FGD6: variants seen among roughly 807,000 people sequenced by gnomAD.
FGD6 encodes FYVE, RhoGEF and PH domain-containing protein 6.
A neutral mutation model predicts 149.4 loss-of-function variants in FGD6; 90 were observed. The observed-to-expected ratio is 0.60, with a 90% CI of 0.51 to 0.72. The LOEUF is 0.72. FGD6 is among the 30% of genes least tolerant of loss of function. The pLI, the probability that FGD6 is intolerant of heterozygous loss-of-function variation, is 0.00. For missense variants in FGD6, 1,437 were observed against 1,684.8 expected, an observed-to-expected ratio of 0.85 and a Z score of 2.57; for synonymous variants, 527 against 584.0, an observed-to-expected ratio of 0.90 and a Z score of 1.41.
At chr12:95,136,395 A>C (rs1190667390) in intron 7 of FGD6, among the ~76,000 whole-genome samples, 1 of 152,132 alleles carries the variant, frequency 6.6e-6, no homozygotes, top group Non-Finnish European at 1.5e-5. Context: ...CAAACAAAAA[A>C]AACCCTTTTC....
chr12:95,086,980 T>C (rs1042766540), intron 18 of FGD6, among the ~76,000 whole-genome samples: 2 of 151,834 alleles, frequency 1.3e-5, no homozygotes, highest in Non-Finnish European at 2.9e-5. Context: ...CCCGAGTAGC[T>C]GGGATTACAG....
At chr12:95,211,474 T>C (rs1263861666) in intron 1 of FGD6, among the ~76,000 whole-genome samples, 2 of 152,178 alleles carry the variant, frequency 1.3e-5, no homozygotes. Context: ...TGTACATTTT[T>C]AAATAAATCC....
At chr12:95,123,393 G>C (rs537177241) in intron 8 of FGD6, among the ~76,000 whole-genome samples, 1 of 152,058 alleles carries the variant, frequency 6.6e-6, no homozygotes, top group Non-Finnish European at 1.5e-5. Context: ...TCCTGAGGCG[G>C]CATCCCCACA....
At chr12:95,115,062 G>A (rs144813365) in intron 8 of FGD6, among the ~76,000 whole-genome samples, 14 of 152,116 alleles carry the variant, frequency 9.2e-5, no homozygotes, top group African/African-American at 2.6e-4. Context: ...TGAAAGAAAC[G>A]TTTTCTGCCT....
chr12:95,101,657 T>C lies in FGD6; in HGVS notation c.3497+3350A>G, dbSNP rs148095349. The stretch of plus-strand genomic sequence containing the variant: ...GCACTCACTGGGAACATGATATACA[T>C]GGTCTTAATGTTCTTTGAACTTTCT... On this transcript the variant is annotated intron_variant, in intron 14 of 20. Transcript: ENST00000343958. Among the ~76,000 whole-genome samples, 51 of 150,368 alleles carry C rather than the reference T, an allele frequency of 3.4e-4. 1 individual carries two copies. Among genetic ancestry groups the C allele is most frequent in the Middle Eastern group, 3.4e-3 (1 of 290 alleles).
intron 6 of FGD6, among the ~76,000 whole-genome samples, chr12:95,138,205 A>AAAATAAATAAAT (rs35510034): frequency 0.024 from 3,249 of 135,966 alleles, 104 homozygotes; most frequent in African/African-American, 0.061. Context: ...TTCTGTCTCA[A>AAAATAAATAAAT]AAATAAATAA....
chr12:95,131,329 G>A lies in FGD6; in HGVS notation c.3082+3410C>T, dbSNP rs147589441. Among the ~76,000 whole-genome samples the A allele has an allele frequency of 4.5e-3, 678 of 152,030 alleles. 11 individuals are homozygous for A. The highest frequency in any genetic ancestry group is 0.016 in the African/African-American group (647 of 41,504). On this transcript the variant is annotated intron_variant, in intron 8 of 20. Coordinates refer to ENST00000343958, the MANE Select transcript of FGD6 (RefSeq NM_018351.4). Reference sequence around the variant, plus strand: ...TCTCCATGTTGGTCAGGCTGGTCTCGAACTCCTGACCTCAGGTGATCTGCC... The same window carrying A: ...TCTCCATGTTGGTCAGGCTGGTCTCAAACTCCTGACCTCAGGTGATCTGCC...
chr12:95,190,470 A>G (rs985079737), intron 2 of FGD6, among the ~76,000 whole-genome samples: 2 of 152,156 alleles, frequency 1.3e-5, no homozygotes, highest in Non-Finnish European at 2.9e-5. Context: ...GCACCTGGCC[A>G]AGATGTTTTC....
intron 20 of FGD6, 101 bp downstream of exon 20, chr12:95,084,397 A>C (rs1277422057): frequency 7.2e-6 from 7 of 974,196 alleles, no homozygotes; most frequent in Non-Finnish European, 1.0e-5. Flanking sequence ...TCTGATGTAA[A>C]TTTTGAGTTG....
At chr12:95,090,871 G>A (rs1427583519) in intron 17 of FGD6, among the ~76,000 whole-genome samples, 1 of 152,166 alleles carries the variant, frequency 6.6e-6, no homozygotes, top group Non-Finnish European at 1.5e-5. Flanking sequence ...GCTGAGGCGG[G>A]TGGATCATTT....
intron 3 of FGD6, among the ~76,000 whole-genome samples, chr12:95,157,566 CA>C (rs71078615): frequency 3.1e-3 from 352 of 113,258 alleles, no homozygotes; most frequent in East Asian, 0.015. Flanking sequence ...AACTCTGTCT[CA>C]AAAAAAAAAA....
intron 2 of FGD6, among the ~76,000 whole-genome samples, chr12:95,200,568 T>C (rs1289786952): frequency 2.6e-5 from 4 of 152,210 alleles, no homozygotes; most frequent in Non-Finnish European, 4.4e-5. Context: ...TTCATGCTTA[T>C]ATAGAACCAA....
Position 95,138,271 on chromosome 12 carries a change from C to T in FGD6, c.2838-593G>A, listed in dbSNP as rs141412200. 2.7e-4 allele frequency among the ~76,000 whole-genome samples: 41 copies of T among 151,058 alleles called. 1 individual carries two copies. Among genetic ancestry groups the T allele is most frequent in the African/African-American group, 1.0e-3 (41 of 41,034 alleles). On this transcript the variant is annotated intron_variant, in intron 6 of 20. Coordinates refer to ENST00000343958, the MANE Select transcript of FGD6 (RefSeq NM_018351.4). ...AACTCACTCACTCCTTGGATGGGCA[C>T]GATGGCTCACGCCTGTAATCCCAGC...
chr12:95,139,251 G>A (rs910779081), intron 6 of FGD6, among the ~76,000 whole-genome samples: 2 of 152,170 alleles, frequency 1.3e-5, no homozygotes, highest in Non-Finnish European at 2.9e-5. Context: ...ACCAGCCAAG[G>A]AAACACAGGG....
intron 1 of FGD6, among the ~76,000 whole-genome samples, chr12:95,215,916 C>T (rs1488642): frequency 0.064 from 9,733 of 152,262 alleles, 407 homozygotes; most frequent in South Asian, 0.11. Context: ...AATTTCCAAC[C>T]ACTTTTAATT....
rs755286338 is a variant in FGD6, at chr12:95,209,312, T to C, written c.1972A>G (p.Thr658Ala). Residue 658 changes from threonine to alanine, a missense_variant, in exon 2 of 21, where the codon ACC becomes GCC. Physicochemically the swap from Thr to Ala is moderately conservative, Grantham distance 58. Coordinates refer to ENST00000343958, the MANE Select transcript of FGD6 (RefSeq NM_018351.4). The stretch of plus-strand genomic sequence containing the variant: ...TCCCCACTGGAGAGGTGGCCTGTGG[T>C]GGTGTCTCCGAGTTGGCTACTCTTG... ...WSKSSQLGDT[T>A]TGHLSSGEQK... is the part of the protein sequence containing the mutation. 2.5e-6 allele frequency: 4 copies of C among 1,613,708 alleles called. No individual in the cohort carries two copies. The East Asian group carries it at 6.7e-5, about 27-fold the overall frequency.
At chr12:95,200,853 A>G (rs1295202468) in intron 2 of FGD6, among the ~76,000 whole-genome samples, 1 of 152,180 alleles carries the variant, frequency 6.6e-6, no homozygotes, top group Non-Finnish European at 1.5e-5. Context: ...CCCAGAAGAA[A>G]GTAGGCAGTT....
intron 18 of FGD6, among the ~76,000 whole-genome samples, chr12:95,087,457 G>A (rs1877917627): frequency 6.6e-6 from 1 of 152,162 alleles, no homozygotes; most frequent in Non-Finnish European, 1.5e-5. Context: ...AAGTAGCAAT[G>A]TTGAGAGGTC....
rs1451816730 is a variant in FGD6, at chr12:95,164,720, C to T, written c.2586+7880G>A. ...TGCTGGGATTACAGGCAGGAGGCACCATGCCCAGCCTATCCATTACTTTTT... is the reference window on the plus strand; with the variant it reads ...TGCTGGGATTACAGGCAGGAGGCACTATGCCCAGCCTATCCATTACTTTTT... On this transcript the variant is annotated intron_variant, in intron 3 of 20. Coordinates refer to ENST00000343958, the MANE Select transcript of FGD6 (RefSeq NM_018351.4). 2.6e-5 allele frequency among the ~76,000 whole-genome samples: 4 copies of T among 152,220 alleles called. No individual in the cohort carries two copies. The East Asian group carries it at 5.8e-4, about 22-fold the overall frequency.
Sources: gnomAD v4.1 joint callset for allele counts (sites outside exome capture counted in the v4.1 genomes callset) on GRCh38, gnomAD v4.1.1 for gene constraint, MANE v1.5 for transcripts, NCBI Gene and HGNC (gene_info 2026-07-23, HGNC 2026-07-21) for gene names.